The following PLXNA2 variants were observed in gnomAD, a reference collection of about 807,000 sequenced individuals.
PLXNA2 encodes plexin-A2.
PLXNA2 carries 91 observed loss-of-function variants against 193.5 expected under a neutral mutation model. The observed-to-expected ratio is 0.47, with a 90% CI of 0.40 to 0.56. The LOEUF is 0.56. PLXNA2 is among the 20% of genes least tolerant of loss of function. PLXNA2 has a pLI of 0.00. For synonymous variants in PLXNA2, 997 were observed against 1,027.3 expected, an observed-to-expected ratio of 0.97 and a Z score of 0.56; for missense variants, 1,995 against 2,503.2, an observed-to-expected ratio of 0.80 and a Z score of 4.33.
intron 29 of PLXNA2, chr1:208,031,172 G>T (rs1199638163): frequency 9.9e-7 from 1 of 1,006,804 alleles, no homozygotes; most frequent in African/African-American, 1.7e-5. Context: ...ATCTCAGGAA[G>T]TGCCTTAGAA....
intron 3 of PLXNA2, among the ~76,000 whole-genome samples, chr1:208,152,546 T>C (rs560350677): frequency 6.6e-6 from 1 of 152,284 alleles, no homozygotes; most frequent in Admixed American, 6.5e-5. Context: ...ATCCTTAAAT[T>C]TCAGGTGTTG....
At chr1:208,060,301 C>T (rs910660211) in intron 13 of PLXNA2, among the ~76,000 whole-genome samples, 1 of 152,202 alleles carries the variant, frequency 6.6e-6, no homozygotes, top group African/African-American at 2.4e-5. Context: ...AAGCTGCTGT[C>T]AGAGCCCCAC....
intron 13 of PLXNA2, 138 bp downstream of exon 13, chr1:208,060,548 A>C: frequency 5.1e-6 from 4 of 778,838 alleles, no homozygotes; most frequent in Non-Finnish European, 8.0e-6. Flanking sequence ...GGCCCTGGGG[A>C]GGCTTCTGGG....
chr1:208,158,907 C>T (rs369859866), intron 3 of PLXNA2, among the ~76,000 whole-genome samples: 49 of 152,306 alleles, frequency 3.2e-4, no homozygotes, highest in African/African-American at 1.1e-3. Context: ...GTGGTGGAGC[C>T]CTGCAGTGGG....
At chr1:208,164,867 C>G (rs983034102) in intron 3 of PLXNA2, among the ~76,000 whole-genome samples, 2 of 152,236 alleles carry the variant, frequency 1.3e-5, no homozygotes, top group Admixed American at 1.3e-4. Context: ...GGACCCTTGT[C>G]TGCAGATCGG....
At chr1:208,045,016 A>G (rs1477558864) in intron 19 of PLXNA2, 51 bp downstream of exon 19, 2 of 1,608,918 alleles carry the variant, frequency 1.2e-6, no homozygotes, top group East Asian at 2.2e-5. Context: ...GACAGATCAC[A>G]CATGCACCAC....
In PLXNA2 at chr1:208,193,221, A is replaced by G. The variant is rs141650106; in HGVS notation, c.1371+17059T>C. Reference sequence around the variant, plus strand: ...ATTTGCTCAAAGACAGCAGAGGCCCAGGGTTTGGAAAGCACAACCCTTTTT... The same window carrying G: ...ATTTGCTCAAAGACAGCAGAGGCCCGGGGTTTGGAAAGCACAACCCTTTTT... On this transcript the variant is annotated intron_variant, in intron 3 of 31. Coordinates refer to ENST00000367033, the MANE Select transcript of PLXNA2 (RefSeq NM_025179.4). Among the ~76,000 whole-genome samples the G allele has an allele frequency of 1.2e-4, 18 of 152,386 alleles. No homozygotes were observed. The East Asian group carries it at 3.5e-3, about 29-fold the overall frequency.
intron 1 of PLXNA2, among the ~76,000 whole-genome samples, chr1:208,224,421 C>T (rs1413469580): frequency 6.6e-6 from 1 of 151,792 alleles, no homozygotes; most frequent in Non-Finnish European, 1.5e-5. Context: ...TGTGACAGGG[C>T]TGCAGGAGGT....
intron 3 of PLXNA2, among the ~76,000 whole-genome samples, chr1:208,167,924 G>A (rs1669361728): frequency 6.6e-6 from 1 of 152,192 alleles, no homozygotes; most frequent in Non-Finnish European, 1.5e-5. Context: ...ATCCATTACA[G>A]AATTGCTCTC....
intron 4 of PLXNA2, among the ~76,000 whole-genome samples, chr1:208,119,519 C>T (rs1251871644): frequency 6.6e-6 from 1 of 152,216 alleles, no homozygotes; most frequent in Non-Finnish European, 1.5e-5. Context: ...AGGGCTAGGG[C>T]CACTTCTTCC....
chr1:208,224,147 C>T (rs903539810), intron 1 of PLXNA2, among the ~76,000 whole-genome samples: 38 of 152,020 alleles, frequency 2.5e-4, no homozygotes, highest in African/African-American at 8.2e-4. Context: ...AGCAAGAGGG[C>T]GAACGCAAAA....
intron 3 of PLXNA2, among the ~76,000 whole-genome samples, chr1:208,200,628 G>T (rs1315421724): frequency 2.5e-5 from 3 of 120,554 alleles, no homozygotes; most frequent in African/African-American, 3.2e-5. Context: ...GTCTTGCTCT[G>T]TCGCCTAGGC....
chr1:208,159,009 G>A lies in PLXNA2; in HGVS notation c.1372-16546C>T, dbSNP rs146621609. On this transcript the variant is annotated intron_variant, in intron 3 of 31. Transcript: ENST00000367033. ...GACTGTGCTTCTCTGCATGGGAGAG[G>A]GAGGGAGAGCCGCATAGGCATCTAC... 5.8e-3 allele frequency among the ~76,000 whole-genome samples: 889 copies of A among 152,322 alleles called. 4 individuals are homozygous for A. The highest frequency in any genetic ancestry group is 0.01 in the Non-Finnish European group (682 of 68,026).
chr1:208,110,344 C>A (rs1210917333), intron 4 of PLXNA2, among the ~76,000 whole-genome samples: 1 of 152,368 alleles, frequency 6.6e-6, no homozygotes, highest in African/African-American at 2.4e-5. Context: ...ATCTCCCCTG[C>A]TGGGAGCAGG....
intron 12 of PLXNA2, among the ~76,000 whole-genome samples, chr1:208,072,166 T>C (rs1374777934): frequency 6.6e-6 from 1 of 152,226 alleles, no homozygotes; most frequent in Non-Finnish European, 1.5e-5. Flanking sequence ...GTACCTAAGA[T>C]GCGTAAGATA....
At chr1:208,122,393 G>A (rs1246918751) in intron 4 of PLXNA2, among the ~76,000 whole-genome samples, 4 of 152,174 alleles carry the variant, frequency 2.6e-5, no homozygotes, top group African/African-American at 9.7e-5. Flanking sequence ...GGGTTTTCTT[G>A]AGCATGTTAG....
At chr1:208,180,763 C>T (rs1182311412) in intron 3 of PLXNA2, among the ~76,000 whole-genome samples, 1 of 152,216 alleles carries the variant, frequency 6.6e-6, no homozygotes. Flanking sequence ...TGTTGCCCCT[C>T]ATGAGTATTC....
At chr1:208,046,149 G>A (rs767014941) in intron 17 of PLXNA2, 32 bp from the exon 18 acceptor site, 56 of 1,599,474 alleles carry the variant, frequency 3.5e-5, no homozygotes, top group Admixed American at 1.0e-4. Context: ...ATTCACACAC[G>A]GAGTGCCTGG....
intron 12 of PLXNA2, among the ~76,000 whole-genome samples, chr1:208,074,340 A>G (rs914775428): frequency 1.3e-5 from 2 of 152,056 alleles, no homozygotes; most frequent in Non-Finnish European, 2.9e-5. Flanking sequence ...TCCTGTTCCT[A>G]GGGTTGAACA....
Sources: allele counts gnomAD v4.1 joint callset (sites outside exome capture counted in the v4.1 genomes callset), GRCh38; gene constraint gnomAD v4.1.1; transcripts MANE v1.5; gene names NCBI Gene and HGNC (gene_info 2026-07-23, HGNC 2026-07-21).